Variants in DSN1 observed in about 807,000 individuals in gnomAD.
DSN1 encodes kinetochore-associated protein DSN1 homolog.
Under a neutral mutation model 45.7 loss-of-function variants are expected in DSN1, and 31 were observed. That is an observed-to-expected ratio of 0.68 (90% confidence interval 0.51 to 0.92). The LOEUF is 0.92. DSN1 is among the 40% of genes least tolerant of loss of function. DSN1 has a pLI of 0.00. For synonymous variants in DSN1, 134 were observed against 142.3 expected (o/e 0.94, Z 0.41); for missense variants, 394 against 414.2 (o/e 0.95, Z 0.42).
rs371386710 is a variant in DSN1 at position 36,764,629 on chromosome 20, C to T, written c.503-2081G>A. Among the ~76,000 whole-genome samples, 405 of 152,224 alleles carry T rather than the reference C, an allele frequency of 2.7e-3. 5 individuals carry two copies. Among genetic ancestry groups the T allele is most frequent in the African/African-American group, 9.5e-3 (393 of 41,562 alleles). On this transcript the variant is annotated intron_variant, in intron 5 of 10. Transcript: ENST00000373750. ...GAGCCACCATCCTAAGTTTTAAAAA[C>T]GAACATGAGGCTGAGCCATGGTGGC...
At chr20:36,754,693 G>A in intron 10 of DSN1, 70 bp downstream of exon 10, 1 of 1,323,326 alleles carries the variant, frequency 7.6e-7, no homozygotes, top group Admixed American at 1.8e-5. Context: ...GGCTTTGAAG[G>A]GCAGTTTGTA....
intron 5 of DSN1, among the ~76,000 whole-genome samples, chr20:36,763,554 A>G (rs1987133828): frequency 6.6e-6 from 1 of 151,922 alleles, no homozygotes; most frequent in South Asian, 2.1e-4. Flanking sequence ...AGCCCAGCAC[A>G]GCTTGAGCAA....
intron 6 of DSN1, among the ~76,000 whole-genome samples, chr20:36,758,989 TTATTTA>T (rs1044774311): frequency 6.6e-6 from 1 of 150,954 alleles, no homozygotes; most frequent in African/African-American, 2.4e-5. Context: ...ACCCAGCTAT[TTATTTA>T]TTTTTGAGAC....
intron 3 of DSN1, among the ~76,000 whole-genome samples, chr20:36,770,454 C>T (rs191886508): frequency 6.6e-6 from 1 of 152,286 alleles, no homozygotes; most frequent in African/African-American, 2.4e-5. Context: ...TCTTCTGCTC[C>T]ACTTTAGGGT....
At chr20:36,760,286 C>A (rs1483205144) in intron 6 of DSN1, among the ~76,000 whole-genome samples, 1 of 152,102 alleles carries the variant, frequency 6.6e-6, no homozygotes, top group Non-Finnish European at 1.5e-5. Flanking sequence ...CTCTGTGACT[C>A]TCTACTGCAT....
intron 10 of DSN1, 118 bp from the exon 11 acceptor site, chr20:36,753,015 A>G: frequency 1.3e-6 from 1 of 792,906 alleles, no homozygotes; most frequent in Non-Finnish European, 2.1e-6. Context: ...CAAATAAGAG[A>G]GTCTCTGGCC....
rs928755559 is a variant in DSN1 at position 36,767,688 on chromosome 20, G to A, written c.429+281C>T. Reference sequence around the variant, plus strand: ...GGAGGCCGAGGCAGGCGGATCAGGAGGTCAGGAGATCGAGACAATTCTGGC... The same window carrying A: ...GGAGGCCGAGGCAGGCGGATCAGGAAGTCAGGAGATCGAGACAATTCTGGC... On this transcript the variant is annotated intron_variant, in intron 4 of 10. Coordinates refer to ENST00000373750, the MANE Select transcript of DSN1 (RefSeq NM_001145315.2). Among the ~76,000 whole-genome samples, 6 of 152,302 alleles carry A rather than the reference G, an allele frequency of 3.9e-5. No individual in the cohort carries two copies. In the East Asian group the frequency reaches 1.2e-3, roughly 29 times the overall value.
chr20:36,761,132 C>T (rs1292767005), intron 6 of DSN1, among the ~76,000 whole-genome samples: 1 of 152,064 alleles, frequency 6.6e-6, no homozygotes, highest in Non-Finnish European at 1.5e-5. Flanking sequence ...GAGCCATGTT[C>T]TTTGGCTCTT....
intron 8 of DSN1, among the ~76,000 whole-genome samples, chr20:36,756,065 C>G (rs1986659548): frequency 6.6e-6 from 1 of 152,022 alleles, no homozygotes; most frequent in Non-Finnish European, 1.5e-5. Context: ...ACTGCAACCT[C>G]TGCCTCCCGG....
chr20:36,760,828 T>G (rs970149336), intron 6 of DSN1, among the ~76,000 whole-genome samples: 5 of 152,132 alleles, frequency 3.3e-5, no homozygotes, highest in African/African-American at 9.7e-5. Flanking sequence ...AGGCAGAGGT[T>G]GCAGTGAGTA....
chr20:36,754,030 C>A (rs1035571860), intron 10 of DSN1, among the ~76,000 whole-genome samples: 5 of 150,138 alleles, frequency 3.3e-5, no homozygotes, highest in African/African-American at 4.9e-5. Context: ...AACAAAAAAA[C>A]CCAAAAAAAC....
chr20:36,753,870 G>A (rs1251712093), intron 10 of DSN1, among the ~76,000 whole-genome samples: 1 of 151,768 alleles, frequency 6.6e-6, no homozygotes. Flanking sequence ...GCCGGGCATG[G>A]TGGAGCATGC....
rs189095561 is a variant in DSN1 at position 36,771,761 on chromosome 20, C to T, written c.-15-288G>A. Reference sequence around the variant, plus strand: ...TTCCATTGATGACATTATGGTCTACCTGGTCTTCCAAACTAGAAAAACCAC... The same window carrying T: ...TTCCATTGATGACATTATGGTCTACTTGGTCTTCCAAACTAGAAAAACCAC... On this transcript the variant is annotated intron_variant, in intron 1 of 10. Transcript: ENST00000373750. Among the ~76,000 whole-genome samples, 524 of 152,334 alleles carry T rather than the reference C, an allele frequency of 3.4e-3. 5 individuals are homozygous for T. The highest frequency in any genetic ancestry group is 3.1e-3 in the Non-Finnish European group (209 of 68,030).
In DSN1 at chr20:36,758,557, CTT is replaced by C. The variant is rs766066563; in HGVS notation, c.649_650del (p.Lys217ValfsTer20). On this transcript the variant is annotated frameshift_variant and splice_region_variant, in exon 7 of 11. Transcript: ENST00000373750. LOFTEE classifies it high-confidence loss of function. ...SVAEMKEYIT[K>X]FSLERQTWDQ... ...AGATTTTCTAACAAAGGTTAACTTACTTTGTTATGTATTCCTTCATCTCAGCC... is the reference window on the plus strand; with the variant it reads ...AGATTTTCTAACAAAGGTTAACTTACTGTTATGTATTCCTTCATCTCAGCC... The C allele has an allele frequency of 3.1e-6, 5 of 1,600,876 alleles. No individual in the cohort carries two copies. The South Asian group carries it at 4.5e-5, about 15-fold the overall frequency.
rs1484342262 is a variant in DSN1 at position 36,752,790 on chromosome 20, ACT to A, written c.1067_1068del (p.Gln356LeufsTer4). ...AIHGSGSGSC[Q>X] ...TTGTGGCAGAAACTCTCATAAAGTCACTGACAAGATCCAGATCCAGATCCATG... is the reference window on the plus strand; with the variant it reads ...TTGTGGCAGAAACTCTCATAAAGTCAGACAAGATCCAGATCCAGATCCATG... On this transcript the variant is annotated frameshift_variant, in exon 11 of 11. Coordinates refer to ENST00000373750, the MANE Select transcript of DSN1 (RefSeq NM_001145315.2). LOFTEE classifies it high-confidence loss of function. 5.0e-6 allele frequency: 8 copies of A among 1,613,502 alleles called. No individual in the cohort carries two copies. The highest frequency in any genetic ancestry group is 5.9e-6 in the Non-Finnish European group (7 of 1,179,540).
At chr20:36,762,003 C>T (rs1014142316) in intron 6 of DSN1, among the ~76,000 whole-genome samples, 5 of 149,814 alleles carry the variant, frequency 3.3e-5, no homozygotes, top group African/African-American at 1.2e-4. Context: ...AGCAAGACTC[C>T]GAATCAAAAA....
rs565746541 is a variant in DSN1, at chr20:36,753,066, G to A, written c.962-169C>T. Among the ~76,000 whole-genome samples, 155 of 152,208 alleles carry A rather than the reference G, an allele frequency of 1.0e-3. 1 individual carries two copies. The highest frequency in any genetic ancestry group is 1.4e-3 in the Non-Finnish European group (96 of 68,008). ...TTTGGTAAGAATGCCAGCCACAGCT[G>A]GGCATGGTGGCTCACGCCTGTAATC... is the stretch of plus-strand genomic sequence containing the variant. On this transcript the variant is annotated intron_variant, in intron 10 of 10. Coordinates refer to ENST00000373750, the MANE Select transcript of DSN1 (RefSeq NM_001145315.2).
At chr20:36,756,008 C>G (rs772116545) in intron 8 of DSN1, among the ~76,000 whole-genome samples, 179 bp from the exon 9 acceptor site, 4 of 151,872 alleles carry the variant, frequency 2.6e-5, no homozygotes, top group Non-Finnish European at 4.4e-5. Flanking sequence ...GAGTCTCACT[C>G]TGTTGCCCAG....
chr20:36,759,928 C>A (rs1986881398), intron 6 of DSN1, among the ~76,000 whole-genome samples: 1 of 152,084 alleles, frequency 6.6e-6, no homozygotes, highest in South Asian at 2.1e-4. Flanking sequence ...TCTCTAATTT[C>A]TTTTTCTCGT....
Sources: allele counts gnomAD v4.1 joint callset (sites outside exome capture counted in the v4.1 genomes callset), GRCh38; gene constraint gnomAD v4.1.1; transcripts MANE v1.5; gene names NCBI Gene and HGNC (gene_info 2026-07-23, HGNC 2026-07-21).